XPO6: variants seen among roughly 807,000 people sequenced by gnomAD.
The protein encoded by XPO6 is exportin 6, also known as exportin-6.
In XPO6, 3 loss-of-function variants were observed where a neutral mutation model predicts 130.0. The ratio of observed to expected loss-of-function variants is 0.02; its 90% confidence interval spans 0.01 to 0.06. XPO6 has a LOEUF of 0.06. Ranked by LOEUF, XPO6 falls within the 10% of genes least tolerant of loss-of-function variation. The pLI is 1.00. For synonymous variants in XPO6, 524 were observed against 548.9 expected (o/e 0.95, Z 0.63); for missense variants, 970 against 1,393.0 (o/e 0.70, Z 4.83).
intron 6 of XPO6, among the ~76,000 whole-genome samples, chr16:28,164,538 GTCTCAATTTATTTTGTTATT>G (rs1269085491): frequency 2.6e-5 from 4 of 152,142 alleles, no homozygotes; most frequent in Admixed American, 6.5e-5. Context: ...TGCCCCCACA[GTCTCAATTTATTTTGTTATT>G]TCTCAAATAC....
chr16:28,116,844 T>C (rs2087073433), intron 15 of XPO6, among the ~76,000 whole-genome samples: 2 of 152,182 alleles, frequency 1.3e-5, no homozygotes, highest in Non-Finnish European at 2.9e-5. Context: ...ATTACCAAAA[T>C]GTAACACATG....
intron 6 of XPO6, among the ~76,000 whole-genome samples, chr16:28,161,791 G>A (rs1256135659): frequency 6.6e-6 from 1 of 152,126 alleles, no homozygotes; most frequent in Non-Finnish European, 1.5e-5. Context: ...CCCTCTGCTA[G>A]CATAAGGTAG....
chr16:28,186,374 C>CTTTTGTTTTTTTTTTTT (rs2043693817), intron 1 of XPO6, among the ~76,000 whole-genome samples: 1 of 81,442 alleles, frequency 1.2e-5, no homozygotes, highest in Non-Finnish European at 2.1e-5. Context: ...CCCAGTTATT[C>CTTTTGTTTTTTTTTTTT]TTTTTTTTTT....
Position 28,186,374 on chromosome 16 carries a change from C to CTTTTTTATTTTTTTTTTTTTTTTTTTTT in XPO6, c.4-5344_4-5343insAAAAAAAAAAAAAAAAAAAAATAAAAAA, listed in dbSNP as rs2043693852. 2.5e-5 allele frequency among the ~76,000 whole-genome samples: 2 copies of CTTTTTTATTTTTTTTTTTTTTTTTTTTT among 81,442 alleles called. 1 individual carries two copies. Among genetic ancestry groups the CTTTTTTATTTTTTTTTTTTTTTTTTTTT allele is most frequent in the African/African-American group, 1.3e-4 (2 of 15,242 alleles). The allele number at this position is 81,442 out of a possible 152,430, so 53.4% of individuals were successfully genotyped here. Reference sequence around the variant, plus strand: ...TATAGATTTTTCTGCCCCAGTTATTCTTTTTTTTTTTTTTTTTGCTAAAGA... The same window carrying CTTTTTTATTTTTTTTTTTTTTTTTTTTT: ...TATAGATTTTTCTGCCCCAGTTATTCTTTTTTATTTTTTTTTTTTTTTTTTTTTTTTTTTTTTTTTTTTTTGCTAAAGA... On this transcript the variant is annotated intron_variant, in intron 1 of 23. Coordinates refer to ENST00000304658, the MANE Select transcript of XPO6 (RefSeq NM_015171.4).
chr16:28,156,162 A>C lies in XPO6; in HGVS notation c.1009T>G (p.Phe337Val), dbSNP rs199945852. The change falls in exon 7 of 24, where the codon TTC becomes GTC. Residue 337 changes from phenylalanine to valine, a missense_variant. By Grantham distance (50) the Phe-to-Val change is conservative. Around this residue, in one of 4 missense-constraint regions of XPO6, gnomAD observed 936 missense variants for 1,306.8 expected, o/e 0.72. Coordinates refer to ENST00000304658, the MANE Select transcript of XPO6 (RefSeq NM_015171.4). ...MEFEEYLLRM[F>V]QQTFYLLQKI... Reference sequence around the variant, plus strand: ...TGCAGGAGGTAGAAAGTCTGCTGGAACATACGCAGTAAATACTCCTCAAAT... The same window carrying C: ...TGCAGGAGGTAGAAAGTCTGCTGGACCATACGCAGTAAATACTCCTCAAAT... The C allele has an allele frequency of 7.7e-5, 124 of 1,614,028 alleles. No individual in the cohort carries two copies. The highest frequency in any genetic ancestry group is 9.4e-5 in the Non-Finnish European group (111 of 1,180,024).
At chr16:28,098,787 G>A (rs2086588910) in intron 23 of XPO6, 148 bp from the exon 24 acceptor site, 3 of 561,350 alleles carry the variant, frequency 5.3e-6, no homozygotes, top group South Asian at 2.5e-5. Context: ...TGCACTGCGT[G>A]TCACAGAGAC....
At chr16:28,199,294 C>T (rs1198502790) in intron 1 of XPO6, among the ~76,000 whole-genome samples, 6 of 152,204 alleles carry the variant, frequency 3.9e-5, no homozygotes, top group African/African-American at 1.2e-4. Context: ...TTATCTTTCT[C>T]TAAAAACAAA....
chr16:28,144,600 T>C (rs756893781), intron 9 of XPO6, among the ~76,000 whole-genome samples: 1 of 152,172 alleles, frequency 6.6e-6, no homozygotes, highest in Non-Finnish European at 1.5e-5. Context: ...TTTAAACTCA[T>C]AAAACCTCAG....
intron 23 of XPO6, among the ~76,000 whole-genome samples, chr16:28,099,215 C>T (rs758439859): frequency 2.6e-5 from 4 of 152,222 alleles, no homozygotes; most frequent in East Asian, 3.9e-4. Context: ...TCCCACTGGG[C>T]GCAGCGTGGG....
intron 8 of XPO6, 91 bp downstream of exon 8, chr16:28,152,542 TAATAAGCATTATATTAATGTTTGGAA>T (rs2043113957): frequency 7.9e-7 from 1 of 1,266,662 alleles, no homozygotes; most frequent in Non-Finnish European, 1.1e-6. Context: ...ACTCTTCACA[TAATAAGCATTATATTAATGTTTGGAA>T]AATAAAGTTG....
intron 1 of XPO6, among the ~76,000 whole-genome samples, chr16:28,199,641 A>G (rs1240340791): frequency 2.6e-5 from 4 of 151,856 alleles, no homozygotes; most frequent in Non-Finnish European, 5.9e-5. Context: ...ATCTCAGCCC[A>G]CTACAACCTC....
At chr16:28,122,630 T>C (rs534671959) in intron 13 of XPO6, among the ~76,000 whole-genome samples, 2 of 152,002 alleles carry the variant, frequency 1.3e-5, no homozygotes, top group South Asian at 4.2e-4. Flanking sequence ...GTTTGTTTTG[T>C]TTTGTTTTGT....
intron 1 of XPO6, among the ~76,000 whole-genome samples, chr16:28,194,636 G>A (rs778831999): frequency 7.0e-4 from 107 of 152,034 alleles, no homozygotes; most frequent in Non-Finnish European, 1.5e-3. Flanking sequence ...GAAAAGCCCT[G>A]CACTAAAGCC....
chr16:28,110,080 A>G (rs2141245041), intron 17 of XPO6, among the ~76,000 whole-genome samples: 2 of 152,334 alleles, frequency 1.3e-5, no homozygotes, highest in East Asian at 3.9e-4. Flanking sequence ...TTGAGATAAG[A>G]AAAATGAAAC....
At chr16:28,145,589 C>T (rs1484477510) in intron 9 of XPO6, among the ~76,000 whole-genome samples, 1 of 152,174 alleles carries the variant, frequency 6.6e-6, no homozygotes, top group Admixed American at 6.5e-5. Context: ...AAAATGAACA[C>T]CTTTTTCTTA....
At chr16:28,172,678 T>C (rs1455852597) in intron 4 of XPO6, among the ~76,000 whole-genome samples, 2 of 152,118 alleles carry the variant, frequency 1.3e-5, no homozygotes, top group African/African-American at 4.8e-5. Flanking sequence ...TATCTGGTTA[T>C]GGTGGTCACC....
chr16:28,175,250 C>T (rs577647189), intron 4 of XPO6, among the ~76,000 whole-genome samples: 2 of 152,180 alleles, frequency 1.3e-5, no homozygotes, highest in African/African-American at 4.8e-5. Context: ...ATCCTCTACA[C>T]CCTGCCTCTT....
At position 28,211,454 on chromosome 16, in the gene XPO6, C is replaced by G. The variant is rs2044130776; in HGVS notation, c.-86G>C. ...CGCACAGTTCAGGTCATGGTCCCGG[C>G]AGACTCGGGAAGTCCCCCACCCATG... On this transcript the variant is annotated 5_prime_UTR_variant, in exon 1 of 24. Coordinates refer to ENST00000304658, the MANE Select transcript of XPO6 (RefSeq NM_015171.4). 1 of 1,290,850 alleles carries G rather than the reference C, an allele frequency of 7.7e-7. No homozygotes were observed. Among genetic ancestry groups the G allele is most frequent in the Admixed American group, 3.3e-5 (1 of 30,330 alleles). The allele number at this position is 1,290,850 out of a possible 1,614,324, so 80.0% of individuals were successfully genotyped here.
At chr16:28,128,494 G>A (rs1225927896) in intron 12 of XPO6, among the ~76,000 whole-genome samples, 1 of 152,054 alleles carries the variant, frequency 6.6e-6, no homozygotes, top group Admixed American at 6.5e-5. Context: ...CTTCAACTAG[G>A]TACCTGCTGA....
Sources: gnomAD v4.1 joint callset for allele counts (sites outside exome capture counted in the v4.1 genomes callset) on GRCh38, gnomAD v4.1.1 for gene constraint, gnomAD v4.1.1 regional missense constraint, MANE v1.5 for transcripts, NCBI Gene and HGNC (gene_info 2026-07-23, HGNC 2026-07-21) for gene names.